ANKS1B: variants seen among roughly 807,000 people sequenced by gnomAD.
ANKS1B encodes the protein ankyrin repeat and sterile alpha motif domain-containing protein 1B.
In ANKS1B, 36 loss-of-function variants were observed where a neutral mutation model predicts 148.3. The observed-to-expected ratio is 0.24, with a 90% CI of 0.19 to 0.32. The LOEUF (loss-of-function observed/expected upper bound fraction) is 0.32, where lower values mean the gene tolerates loss of function less well. Among genes scored for constraint, ANKS1B ranks in the 10% least tolerant of loss-of-function variants. The probability of loss-of-function intolerance (pLI) is 1.00; values close to 1 mark genes in which losing one functional copy is unlikely to be tolerated. For synonymous variants in ANKS1B, 542 were observed against 560.8 expected, an observed-to-expected ratio of 0.97 and a Z score of 0.47; for missense variants, 1,157 against 1,542.6, an observed-to-expected ratio of 0.75 and a Z score of 4.19.
chr12:99,451,786 C>CGTGTGTCTGTGTGT (rs1555437538), intron 10 of ANKS1B, among the ~76,000 whole-genome samples: 2 of 150,428 alleles, frequency 1.3e-5, no homozygotes, highest in African/African-American at 4.9e-5. Context: ...TGTACAGATA[C>CGTGTGTCTGTGTGT]GTGTGTGTGT....
At chr12:99,969,224 G>C (rs2095528041) in intron 1 of ANKS1B, among the ~76,000 whole-genome samples, 1 of 152,080 alleles carries the variant, frequency 6.6e-6, no homozygotes, top group Non-Finnish European at 1.5e-5. Context: ...TTTTGCCCAG[G>C]CTGGAGTACA....
chr12:98,949,248 G>A (rs981264956), intron 17 of ANKS1B, among the ~76,000 whole-genome samples: 9 of 151,990 alleles, frequency 5.9e-5, no homozygotes, highest in Admixed American at 5.2e-4. Context: ...CACCGCACAC[G>A]GCCAGGTATG....
At chr12:99,291,728 T>C (rs542661225) in intron 12 of ANKS1B, among the ~76,000 whole-genome samples, 1 of 152,034 alleles carries the variant, frequency 6.6e-6, no homozygotes, top group African/African-American at 2.4e-5. Flanking sequence ...TCTCACCTTA[T>C]AAAAAATCAC....
intron 1 of ANKS1B, among the ~76,000 whole-genome samples, chr12:99,872,118 C>T (rs1160797817): frequency 6.6e-6 from 1 of 151,970 alleles, no homozygotes; most frequent in African/African-American, 2.4e-5. Context: ...TTATCAATAC[C>T]AAATGTTTTG....
At chr12:99,306,447 C>T (rs768758427) in intron 12 of ANKS1B, among the ~76,000 whole-genome samples, 11 of 151,980 alleles carry the variant, frequency 7.2e-5, no homozygotes, top group Non-Finnish European at 1.6e-4. Context: ...CCCCCACCCC[C>T]ATAACTTTCA....
chr12:99,349,727 C>T (rs887105616), intron 12 of ANKS1B, among the ~76,000 whole-genome samples: 4 of 151,820 alleles, frequency 2.6e-5, no homozygotes, highest in Non-Finnish European at 4.4e-5. Context: ...CTACAGTAAT[C>T]ATAGGAGATT....
rs957352732 is a variant in ANKS1B, at chr12:98,913,628, A to AT, written c.2779-81493dup. On this transcript the variant is annotated intron_variant, in intron 17 of 26. Coordinates refer to ENST00000683438, the MANE Select transcript of ANKS1B (RefSeq NM_001352186.2). The stretch of plus-strand genomic sequence containing the variant: ...AAAAACAAACTGCCAATTTCTTCAT[A>AT]TTTTTTTTGTTGTTGTTGAGATGGA... Among the ~76,000 whole-genome samples the AT allele has an allele frequency of 1.9e-3, 294 of 151,802 alleles. 3 individuals carry two copies. Among genetic ancestry groups the AT allele is most frequent in the African/African-American group, 6.5e-3 (269 of 41,422 alleles).
intron 11 of ANKS1B, among the ~76,000 whole-genome samples, chr12:99,428,135 G>GT (rs1268784666): frequency 6.6e-6 from 1 of 152,162 alleles, no homozygotes; most frequent in African/African-American, 2.4e-5. Flanking sequence ...GTCTGGCATT[G>GT]GGTGAGTAGG....
chr12:98,913,877 C>T (rs372362658), intron 17 of ANKS1B, among the ~76,000 whole-genome samples: 3 of 152,154 alleles, frequency 2.0e-5, no homozygotes, highest in Non-Finnish European at 4.4e-5. Flanking sequence ...GTGATTTGCC[C>T]GCCTTGGCCT....
chr12:99,484,865 T>C (rs2096466646), intron 10 of ANKS1B, among the ~76,000 whole-genome samples: 1 of 151,114 alleles, frequency 6.6e-6, no homozygotes, highest in South Asian at 2.1e-4. Flanking sequence ...GTGTGGAATA[T>C]CTTTTTCCAC....
intron 12 of ANKS1B, among the ~76,000 whole-genome samples, chr12:99,282,541 A>C (rs552736078): frequency 3.3e-5 from 5 of 152,170 alleles, no homozygotes; most frequent in Admixed American, 6.6e-5. Flanking sequence ...AGGCCAATTA[A>C]AAGGCTATTA....
intron 14 of ANKS1B, among the ~76,000 whole-genome samples, chr12:99,187,262 C>T (rs2079993024): frequency 6.6e-6 from 1 of 151,944 alleles, no homozygotes; most frequent in Non-Finnish European, 1.5e-5. Flanking sequence ...GGAAAATACT[C>T]TTCAGGATAT....
At chr12:98,810,647 G>A (rs1253106012) in intron 19 of ANKS1B, among the ~76,000 whole-genome samples, 1 of 152,208 alleles carries the variant, frequency 6.6e-6, no homozygotes, top group Non-Finnish European at 1.5e-5. Flanking sequence ...TCATGAGACA[G>A]TCTTAACTGC....
intron 17 of ANKS1B, among the ~76,000 whole-genome samples, chr12:99,032,875 C>T (rs2099953138): frequency 6.6e-6 from 1 of 152,136 alleles, no homozygotes; most frequent in South Asian, 2.1e-4. Context: ...AGAATTATTT[C>T]TCTGATTACA....
chr12:99,399,754 G>C lies in ANKS1B; in HGVS notation c.1633C>G (p.Gln545Glu). 1.2e-6 allele frequency: 2 copies of C among 1,613,438 alleles called. No individual in the cohort carries two copies. Among genetic ancestry groups the C allele is most frequent in the Non-Finnish European group, 1.7e-6 (2 of 1,179,498 alleles). The change falls in exon 12 of 27, where the codon CAA becomes GAA. Residue 545 changes from glutamine (Q) to glutamate (E), a missense_variant. Physicochemically the swap from Gln to Glu is conservative, Grantham distance 29. This residue lies in a region of ANKS1B where 661 missense variants were observed against 642.1 expected (regional missense o/e 1.03). Transcript: ENST00000683438. ...SLDFHRMNHN[Q>E]EYFEINTSTG... is the part of the protein sequence containing the mutation. ...GATGTGTTGATTTCAAAATATTCTT[G>C]GTTGTGATTCATTCGGTGAAAATCC...
chr12:99,263,290 C>T (rs1183327694), intron 12 of ANKS1B, among the ~76,000 whole-genome samples: 2 of 151,988 alleles, frequency 1.3e-5, no homozygotes, highest in Non-Finnish European at 2.9e-5. Flanking sequence ...CATGCCCACG[C>T]CCCGTTTTCC....
intron 10 of ANKS1B, among the ~76,000 whole-genome samples, chr12:99,493,785 A>G (rs776436947): frequency 3.9e-5 from 6 of 152,166 alleles, no homozygotes; most frequent in Non-Finnish European, 5.9e-5. Flanking sequence ...TTGGAGATAT[A>G]TAAGTAAATA....
chr12:99,856,069 G>A (rs538439758), intron 1 of ANKS1B, among the ~76,000 whole-genome samples: 4 of 151,878 alleles, frequency 2.6e-5, no homozygotes, highest in African/African-American at 9.7e-5. Flanking sequence ...GGTCAGAGCA[G>A]AACTAAATGA....
chr12:99,958,936 A>G (rs765426049), intron 1 of ANKS1B, among the ~76,000 whole-genome samples: 2 of 152,076 alleles, frequency 1.3e-5, no homozygotes, highest in South Asian at 2.1e-4. Flanking sequence ...ATTGAGGAGG[A>G]GATGTTCAAT....
Sources: allele counts gnomAD v4.1 joint callset (sites outside exome capture counted in the v4.1 genomes callset), GRCh38; gene constraint gnomAD v4.1.1; regional missense constraint gnomAD v4.1.1; transcripts MANE v1.5; gene names NCBI Gene and HGNC (gene_info 2026-07-23, HGNC 2026-07-21).